Variants in ADAMTSL1 observed in about 807,000 individuals in gnomAD.
The protein encoded by ADAMTSL1 is ADAMTS like 1.
In ADAMTSL1, 126 loss-of-function variants were observed where a neutral mutation model predicts 201.8. That is an observed-to-expected ratio of 0.62 (90% CI 0.54 to 0.72). ADAMTSL1 has a LOEUF of 0.72. ADAMTSL1 is among the 30% of genes least tolerant of loss of function. The pLI, the probability that ADAMTSL1 is intolerant of heterozygous loss-of-function variation, is 0.00. For synonymous variants in ADAMTSL1, 1,121 were observed against 903.4 expected, an observed-to-expected ratio of 1.24 and a Z score of -4.32; for missense variants, 2,679 against 2,277.8, an observed-to-expected ratio of 1.18 and a Z score of -3.59.
intron 15 of ADAMTSL1, among the ~76,000 whole-genome samples, chr9:18,738,597 A>C (rs1248905245): frequency 2.0e-5 from 3 of 152,174 alleles, no homozygotes; most frequent in Admixed American, 1.3e-4. Flanking sequence ...TTCAGAATCT[A>C]ATTGCTGAGT....
intron 2 of ADAMTSL1, among the ~76,000 whole-genome samples, chr9:18,412,647 T>C (rs10810965): frequency 0.31 from 47,056 of 151,952 alleles, 7,793 homozygotes; most frequent in East Asian, 0.48. Flanking sequence ...TACTATGGAT[T>C]TTTATAGTTT....
At chr9:18,088,954 A>T (rs1823887041) in intron 1 of ADAMTSL1, among the ~76,000 whole-genome samples, 1 of 152,198 alleles carries the variant, frequency 6.6e-6, no homozygotes, top group South Asian at 2.1e-4. Flanking sequence ...TTGCAGGATT[A>T]GTTATAATAA....
chr9:18,015,588 C>G (rs1042142584), intron 1 of ADAMTSL1, among the ~76,000 whole-genome samples: 1 of 152,036 alleles, frequency 6.6e-6, no homozygotes, highest in Non-Finnish European at 1.5e-5. Context: ...ATGACCTAGT[C>G]AGGTGGGTAT....
chr9:18,079,763 T>C (rs1310706517), intron 1 of ADAMTSL1, among the ~76,000 whole-genome samples: 2 of 152,044 alleles, frequency 1.3e-5, no homozygotes, highest in South Asian at 2.1e-4. Context: ...GGTACATGTC[T>C]GAAGAGTACC....
chr9:18,678,362 G>A (rs192785197), intron 10 of ADAMTSL1, among the ~76,000 whole-genome samples: 33 of 151,992 alleles, frequency 2.2e-4, no homozygotes, highest in African/African-American at 7.0e-4. Context: ...CTTTTGTTAC[G>A]CTTTCTTTAA....
chr9:18,889,835 C>T, intron 25 of ADAMTSL1, 87 bp downstream of exon 25: 1 of 1,328,972 alleles, frequency 7.5e-7, no homozygotes, highest in South Asian at 1.7e-5. Context: ...CCTTCAGTAG[C>T]ACTGTGCAGG....
chr9:18,099,341 ATATATATATATATATTTTT>A (rs1358489859), intron 1 of ADAMTSL1, among the ~76,000 whole-genome samples: 3 of 45,450 alleles, frequency 6.6e-5, no homozygotes, highest in South Asian at 7.4e-4. Context: ...ATATATATAT[ATATATATATATATATTTTT>A]TTTTTTTTTT....
chr9:18,383,921 A>G (rs141563633), intron 2 of ADAMTSL1, among the ~76,000 whole-genome samples: 1 of 152,288 alleles, frequency 6.6e-6, no homozygotes, highest in African/African-American at 2.4e-5. Context: ...ATTCTGATTC[A>G]GTAGGTCTAG....
At chr9:18,884,001 C>G (rs1828701104) in intron 23 of ADAMTSL1, among the ~76,000 whole-genome samples, 1 of 152,150 alleles carries the variant, frequency 6.6e-6, no homozygotes, top group Non-Finnish European at 1.5e-5. Flanking sequence ...ATACTGTTTT[C>G]CACAACAGCT....
chr9:18,083,827 C>T (rs982654633), intron 1 of ADAMTSL1, among the ~76,000 whole-genome samples: 3 of 152,174 alleles, frequency 2.0e-5, no homozygotes, highest in African/African-American at 4.8e-5. Context: ...AACATTCTTG[C>T]TCTAGCTCTA....
chr9:18,261,836 G>A (rs1159213604), intron 2 of ADAMTSL1, among the ~76,000 whole-genome samples: 1 of 152,052 alleles, frequency 6.6e-6, no homozygotes, highest in African/African-American at 2.4e-5. Context: ...AATCAAAAAC[G>A]GAATTCACAG....
chr9:18,264,809 T>C (rs1023047239), intron 2 of ADAMTSL1, among the ~76,000 whole-genome samples: 4 of 152,214 alleles, frequency 2.6e-5, no homozygotes, highest in Non-Finnish European at 5.9e-5. Flanking sequence ...TCAATTCTTG[T>C]TGGAGGCTCT....
intron 2 of ADAMTSL1, among the ~76,000 whole-genome samples, chr9:18,452,254 GC>G (rs1473656846): frequency 2.2e-4 from 33 of 152,182 alleles, no homozygotes; most frequent in African/African-American, 7.2e-4. Context: ...AAGATAATGA[GC>G]CCACTTTTAT....
intron 22 of ADAMTSL1, among the ~76,000 whole-genome samples, chr9:18,829,216 C>G (rs1476107715): frequency 6.6e-6 from 1 of 152,166 alleles, no homozygotes; most frequent in East Asian, 1.9e-4. Context: ...AGCGCTGATT[C>G]CTTGTAAGAT....
intron 1 of ADAMTSL1, among the ~76,000 whole-genome samples, chr9:18,038,273 GC>G (rs1349921902): frequency 1.3e-5 from 2 of 152,082 alleles, no homozygotes; most frequent in African/African-American, 2.4e-5. Context: ...TTTCCAAGTG[GC>G]ATTTTTGGCT....
intron 20 of ADAMTSL1, 48 bp downstream of exon 20, chr9:18,795,572 T>C (rs756862268): frequency 1.3e-6 from 2 of 1,550,408 alleles, no homozygotes; most frequent in Admixed American, 2.0e-5. Flanking sequence ...CTTTATTGAA[T>C]GAGTGCCTAT....
At chr9:18,211,924 G>A (rs1367754831) in intron 2 of ADAMTSL1, among the ~76,000 whole-genome samples, 1 of 152,156 alleles carries the variant, frequency 6.6e-6, no homozygotes, top group Admixed American at 6.5e-5. Flanking sequence ...GGGACTTCAA[G>A]TGCCCCTGTT....
In ADAMTSL1 at chr9:18,817,244, A is replaced by T. The variant is rs773871208; in HGVS notation, c.3934+7A>T. 6 of 1,551,880 alleles carry T rather than the reference A, an allele frequency of 3.9e-6. No individual in the cohort carries two copies. The South Asian group carries it at 6.0e-5, about 15-fold the overall frequency. On this transcript the variant is annotated splice_region_variant and intron_variant, in intron 21 of 28. Transcript: ENST00000380548. Reference sequence around the variant, plus strand: ...ATCAACTGCCAGGTTGCAGGTGAGAAATTAATGTTCATTTGTTCACACGTT... The same window carrying T: ...ATCAACTGCCAGGTTGCAGGTGAGATATTAATGTTCATTTGTTCACACGTT...
chr9:18,785,747 C>T (rs17806635), intron 19 of ADAMTSL1, among the ~76,000 whole-genome samples: 2,965 of 152,276 alleles, frequency 0.019, 53 homozygotes, highest in Non-Finnish European at 0.032. Flanking sequence ...AGGAGGCTTA[C>T]GTAATATGGA....
Sources: gnomAD v4.1 joint callset for allele counts (sites outside exome capture counted in the v4.1 genomes callset) on GRCh38, gnomAD v4.1.1 for gene constraint, MANE v1.5 for transcripts, NCBI Gene and HGNC (gene_info 2026-07-23, HGNC 2026-07-21) for gene names.